SGCZ: variants seen among roughly 807,000 people sequenced by gnomAD.
SGCZ encodes zeta-sarcoglycan.
A neutral mutation model predicts 41.3 loss-of-function variants in SGCZ; 40 were observed. The observed-to-expected ratio is 0.97, with a 90% CI of 0.75 to 1.26. The LOEUF is 1.26. SGCZ is among the 50% of genes most tolerant of loss of function. SGCZ has a pLI of 0.00. For missense variants in SGCZ, 552 were observed against 369.8 expected, an observed-to-expected ratio of 1.49 and a Z score of -4.04; for synonymous variants, 206 against 137.5, an observed-to-expected ratio of 1.50 and a Z score of -3.49.
At chr8:14,815,720 G>A (rs1390227058) in intron 1 of SGCZ, among the ~76,000 whole-genome samples, 1 of 152,106 alleles carries the variant, frequency 6.6e-6, no homozygotes, top group Non-Finnish European at 1.5e-5. Context: ...ACCAGACCCA[G>A]GAAACAGAAA....
At chr8:14,745,416 A>G (rs1383015879) in intron 1 of SGCZ, among the ~76,000 whole-genome samples, 1 of 152,106 alleles carries the variant, frequency 6.6e-6, no homozygotes, top group African/African-American at 2.4e-5. Context: ...GAGATGATAT[A>G]GGATCAAAAT....
At chr8:14,575,403 G>A (rs1585093270) in intron 1 of SGCZ, among the ~76,000 whole-genome samples, 1 of 152,144 alleles carries the variant, frequency 6.6e-6, no homozygotes, top group Non-Finnish European at 1.5e-5. Flanking sequence ...TCACTTTGAA[G>A]AGAAATTAAG....
At chr8:14,689,782 A>G (rs207468967) in intron 1 of SGCZ, among the ~76,000 whole-genome samples, 1 of 152,146 alleles carries the variant, frequency 6.6e-6, no homozygotes, top group Admixed American at 6.5e-5. Context: ...TATTAATACA[A>G]CAGACGCATA....
intron 1 of SGCZ, among the ~76,000 whole-genome samples, chr8:15,072,284 G>C (rs1438800625): frequency 1.3e-5 from 2 of 152,012 alleles, no homozygotes; most frequent in African/African-American, 4.8e-5. Flanking sequence ...ATCTTGTCAA[G>C]GTGGACGTAA....
intron 1 of SGCZ, among the ~76,000 whole-genome samples, chr8:14,897,465 G>C (rs954565301): frequency 4.6e-5 from 7 of 152,120 alleles, no homozygotes; most frequent in Non-Finnish European, 7.3e-5. Context: ...TGTAGTTCTG[G>C]ACGGTTTGGC....
chr8:14,660,493 A>C (rs1256904821), intron 1 of SGCZ, among the ~76,000 whole-genome samples: 2 of 149,652 alleles, frequency 1.3e-5, no homozygotes, highest in African/African-American at 5.0e-5. Context: ...AATTGCTTGA[A>C]ACCAGAGGCG....
At chr8:14,372,447 T>C (rs757750856) in intron 2 of SGCZ, among the ~76,000 whole-genome samples, 13 of 152,156 alleles carry the variant, frequency 8.5e-5, no homozygotes, top group South Asian at 2.1e-4. Flanking sequence ...TGAGAGGATT[T>C]CTGTGGCTTC....
At chr8:14,575,860 T>G (rs980569528) in intron 1 of SGCZ, among the ~76,000 whole-genome samples, 5 of 139,464 alleles carry the variant, frequency 3.6e-5, no homozygotes, top group Admixed American at 1.6e-4. Context: ...GAGCCAAGAA[T>G]GTGCCATTGC....
At chr8:15,236,963 A>G (rs1048779793) in intron 1 of SGCZ, among the ~76,000 whole-genome samples, 3 of 152,154 alleles carry the variant, frequency 2.0e-5, no homozygotes, top group African/African-American at 7.2e-5. Flanking sequence ...AGGGCAGGCT[A>G]GCCGTCCCCG....
At chr8:14,189,422 C>T (rs1176336451) in intron 4 of SGCZ, among the ~76,000 whole-genome samples, 1 of 152,202 alleles carries the variant, frequency 6.6e-6, no homozygotes, top group Non-Finnish European at 1.5e-5. Context: ...GTTCTTGCTT[C>T]TCTTTCAGTA....
intron 3 of SGCZ, among the ~76,000 whole-genome samples, chr8:14,306,142 T>C (rs1488019821): frequency 6.6e-6 from 1 of 152,206 alleles, no homozygotes; most frequent in African/African-American, 2.4e-5. Flanking sequence ...AAAAGCTAAC[T>C]GAATCCATCA....
intron 2 of SGCZ, among the ~76,000 whole-genome samples, chr8:14,358,127 G>T (rs1201256143): frequency 6.6e-6 from 1 of 152,132 alleles, no homozygotes; most frequent in Non-Finnish European, 1.5e-5. Context: ...TTATGTATTT[G>T]TGTGTTTGTG....
chr8:14,852,633 G>A lies in SGCZ; in HGVS notation c.40-297707C>T, dbSNP rs576151220. On this transcript the variant is annotated intron_variant, in intron 1 of 7. Coordinates refer to ENST00000382080, the MANE Select transcript of SGCZ (RefSeq NM_139167.4). ...TATTGACTTTTTTCCCTGCACGCCA[G>A]ATGCCTATAGTCTCCCCTACAAACA... Among the ~76,000 whole-genome samples, 3 of 152,290 alleles carry A rather than the reference G, an allele frequency of 2.0e-5. No individual in the cohort carries two copies. In the East Asian group the frequency reaches 5.8e-4, roughly 29 times the overall value.
intron 2 of SGCZ, among the ~76,000 whole-genome samples, chr8:14,451,790 C>T (rs187774814): frequency 1.4e-3 from 216 of 152,298 alleles, no homozygotes; most frequent in Non-Finnish European, 2.5e-3. Context: ...AAACAAGTTA[C>T]ATCTTATTAG....
intron 1 of SGCZ, among the ~76,000 whole-genome samples, chr8:14,975,794 T>C (rs1226627412): frequency 4.7e-5 from 5 of 106,294 alleles, no homozygotes; most frequent in African/African-American, 1.9e-4. Flanking sequence ...CACTTTTATA[T>C]ATATATATAT....
intron 1 of SGCZ, among the ~76,000 whole-genome samples, chr8:15,118,050 G>A (rs1182544922): frequency 3.9e-5 from 6 of 152,128 alleles, no homozygotes; most frequent in Non-Finnish European, 7.4e-5. Flanking sequence ...ATTGCAGTTC[G>A]TCTTCTTGCT....
At chr8:14,857,661 T>C (rs1210680660) in intron 1 of SGCZ, among the ~76,000 whole-genome samples, 1 of 152,018 alleles carries the variant, frequency 6.6e-6, no homozygotes, top group Non-Finnish European at 1.5e-5. Context: ...GTCAGGAGTT[T>C]GAGACCAGCC....
rs34842580 is a variant in SGCZ at position 14,963,338 on chromosome 8, C to CTT, written c.39+274245_39+274246dup. Among the ~76,000 whole-genome samples the CTT allele has an allele frequency of 3.8e-3, 560 of 145,664 alleles. 5 individuals are homozygous for CTT. The highest frequency in any genetic ancestry group is 0.013 in the African/African-American group (504 of 39,792). ...GGTATAAATTCATTTTCTTTTTCTTCTTTTTTTTTTTTTGTTTGGAGACAG... is the reference window on the plus strand; with the variant it reads ...GGTATAAATTCATTTTCTTTTTCTTCTTTTTTTTTTTTTTTGTTTGGAGACAG... On this transcript the variant is annotated intron_variant, in intron 1 of 7. Coordinates refer to ENST00000382080, the MANE Select transcript of SGCZ (RefSeq NM_139167.4).
At chr8:14,909,754 A>G (rs902233352) in intron 1 of SGCZ, among the ~76,000 whole-genome samples, 1 of 152,076 alleles carries the variant, frequency 6.6e-6, no homozygotes, top group African/African-American at 2.4e-5. Flanking sequence ...GCTATTTAAA[A>G]TTTATTATAC....
Sources: allele counts gnomAD v4.1 joint callset (sites outside exome capture counted in the v4.1 genomes callset), GRCh38; gene constraint gnomAD v4.1.1; transcripts MANE v1.5; gene names NCBI Gene and HGNC (gene_info 2026-07-23, HGNC 2026-07-21).